GPM6A: variants seen among roughly 807,000 people sequenced by gnomAD.
The protein encoded by GPM6A is neuronal membrane glycoprotein M6-a.
A neutral mutation model predicts 32.1 loss-of-function variants in GPM6A; 7 were observed. The ratio of observed to expected loss-of-function variants is 0.22; its 90% CI spans 0.12 to 0.41. The LOEUF is 0.41. GPM6A is among the 10% of genes least tolerant of loss of function. GPM6A has a pLI of 1.00. For missense variants in GPM6A, 235 were observed against 347.2 expected (o/e 0.68, Z 2.57); for synonymous variants, 130 against 123.4 (o/e 1.05, Z -0.35).
At chr4:175,890,919 T>C (rs1287741616) in intron 1 of GPM6A, among the ~76,000 whole-genome samples, 1 of 152,106 alleles carries the variant, frequency 6.6e-6, no homozygotes, top group East Asian at 1.9e-4. Context: ...AACATTTATA[T>C]ACATTTAAAC....
intron 2 of GPM6A, among the ~76,000 whole-genome samples, chr4:175,680,629 C>T (rs1271322990): frequency 6.6e-6 from 1 of 152,138 alleles, no homozygotes; most frequent in Non-Finnish European, 1.5e-5. Flanking sequence ...ATATACAGGA[C>T]ATTAACATGC....
chr4:175,999,772 G>C (rs1186317248), intron 1 of GPM6A, among the ~76,000 whole-genome samples: 1 of 152,000 alleles, frequency 6.6e-6, no homozygotes, highest in Non-Finnish European at 1.5e-5. Context: ...CAAAAAAACT[G>C]GATTCCATTT....
intron 1 of GPM6A, among the ~76,000 whole-genome samples, chr4:175,881,053 G>A (rs1211234138): frequency 1.3e-5 from 2 of 152,042 alleles, no homozygotes; most frequent in Non-Finnish European, 2.9e-5. Context: ...AGAGTGAACA[G>A]GCAACCTACA....
At chr4:175,638,482 G>C (rs939828441) in intron 6 of GPM6A, among the ~76,000 whole-genome samples, 1 of 151,986 alleles carries the variant, frequency 6.6e-6, no homozygotes, top group African/African-American at 2.4e-5. Flanking sequence ...TGTACGTATA[G>C]CTTTAAGTAT....
intron 1 of GPM6A, among the ~76,000 whole-genome samples, chr4:175,704,066 T>C (rs934564052): frequency 2.0e-4 from 30 of 152,204 alleles, no homozygotes; most frequent in Non-Finnish European, 3.8e-4. Flanking sequence ...CATAGATGCA[T>C]ATAGCAACAT....
At chr4:175,936,925 A>G (rs1739259979) in intron 1 of GPM6A, among the ~76,000 whole-genome samples, 1 of 152,156 alleles carries the variant, frequency 6.6e-6, no homozygotes, top group African/African-American at 2.4e-5. Context: ...GTCCAGTAAT[A>G]TGTGAAAATT....
chr4:175,944,676 G>A (rs187796551), intron 1 of GPM6A, among the ~76,000 whole-genome samples: 5 of 152,260 alleles, frequency 3.3e-5, no homozygotes, highest in South Asian at 2.1e-4. Context: ...AGAAAATGAC[G>A]GAGCAGAACA....
intron 1 of GPM6A, among the ~76,000 whole-genome samples, chr4:175,987,241 C>T (rs182600009): frequency 3.9e-5 from 6 of 152,310 alleles, no homozygotes; most frequent in East Asian, 1.9e-4. Context: ...CACAGATAGA[C>T]TTAGCAAGCT....
chr4:175,852,876 G>T (rs114298322), intron 1 of GPM6A, among the ~76,000 whole-genome samples: 174 of 152,210 alleles, frequency 1.1e-3, no homozygotes, highest in African/African-American at 3.7e-3. Context: ...ATGTAAATCA[G>T]AAAAGATATA....
rs557020438 is a variant in GPM6A, at chr4:175,892,244, T to G, written c.-22-79995A>C. On this transcript the variant is annotated intron_variant, in intron 1 of 7. Transcript: ENST00000280187. ...ATAATTAAAATCCTTAAATAGGGACTCAAGATACCCTCTTATTTCATTCGA... is the reference window on the plus strand; with the variant it reads ...ATAATTAAAATCCTTAAATAGGGACGCAAGATACCCTCTTATTTCATTCGA... 2.6e-5 allele frequency among the ~76,000 whole-genome samples: 4 copies of G among 152,218 alleles called. No individual in the cohort carries two copies. The South Asian group carries it at 8.3e-4, about 32-fold the overall frequency.
intron 1 of GPM6A, among the ~76,000 whole-genome samples, chr4:175,967,031 C>T (rs548704036): frequency 3.9e-5 from 6 of 152,150 alleles, no homozygotes; most frequent in Admixed American, 2.0e-4. Context: ...AAATATCAAA[C>T]CTAGATACAA....
At chr4:175,854,047 T>G (rs1736344022) in intron 1 of GPM6A, among the ~76,000 whole-genome samples, 1 of 152,150 alleles carries the variant, frequency 6.6e-6, no homozygotes, top group Non-Finnish European at 1.5e-5. Flanking sequence ...GAAAGCACAT[T>G]TCTGACTTGG....
intron 1 of GPM6A, among the ~76,000 whole-genome samples, chr4:175,772,227 T>C (rs1328121751): frequency 4.6e-5 from 7 of 152,184 alleles, no homozygotes. Flanking sequence ...TAATTTCAAA[T>C]AGGATACTGC....
At chr4:175,646,112 G>C (rs967087649) in intron 4 of GPM6A, among the ~76,000 whole-genome samples, 2 of 152,038 alleles carry the variant, frequency 1.3e-5, no homozygotes, top group African/African-American at 4.8e-5. Context: ...ATTCAGGCTC[G>C]TTACTTTCTT....
intron 1 of GPM6A, among the ~76,000 whole-genome samples, chr4:175,743,640 A>G (rs1356222322): frequency 6.6e-6 from 1 of 152,064 alleles, no homozygotes; most frequent in Non-Finnish European, 1.5e-5. Flanking sequence ...CAATTTAAAA[A>G]ATGCATTAAA....
chr4:175,942,390 A>G (rs1739441198), intron 1 of GPM6A, among the ~76,000 whole-genome samples: 1 of 151,986 alleles, frequency 6.6e-6, no homozygotes. Flanking sequence ...ATTAGCTCCC[A>G]TTTGCCAGTT....
At chr4:175,661,284 A>C (rs954498164) in intron 3 of GPM6A, among the ~76,000 whole-genome samples, 5 of 152,080 alleles carry the variant, frequency 3.3e-5, no homozygotes, top group Non-Finnish European at 7.4e-5. Context: ...AAACATAAAA[A>C]TTAGCCAGGT....
At chr4:175,914,682 G>A (rs1429386036) in intron 1 of GPM6A, among the ~76,000 whole-genome samples, 4 of 152,166 alleles carry the variant, frequency 2.6e-5, no homozygotes, top group African/African-American at 9.7e-5. Flanking sequence ...AGTCAAATAT[G>A]CATTTGTCTT....
At chr4:175,976,679 T>G (rs908044813) in intron 1 of GPM6A, among the ~76,000 whole-genome samples, 2 of 152,032 alleles carry the variant, frequency 1.3e-5, no homozygotes, top group African/African-American at 4.8e-5. Flanking sequence ...AGATGAACGG[T>G]CCACTAATAG....
Sources: allele counts gnomAD v4.1 joint callset (sites outside exome capture counted in the v4.1 genomes callset), GRCh38; gene constraint gnomAD v4.1.1; transcripts MANE v1.5; gene names NCBI Gene and HGNC (gene_info 2026-07-23, HGNC 2026-07-21).